Variants in ZNF546 observed in about 807,000 individuals in gnomAD.
ZNF546 encodes the protein CTC-471F3.6.
A neutral mutation model predicts 76.2 loss-of-function variants in ZNF546; 60 were observed. The ratio of observed to expected loss-of-function variants is 0.79; its 90% confidence interval spans 0.64 to 0.98. ZNF546 has a LOEUF of 0.98. Ranked by LOEUF, ZNF546 falls within the 50% of genes least tolerant of loss-of-function variation. ZNF546 has a pLI of 0.00. For synonymous variants in ZNF546, 277 were observed against 328.1 expected (o/e 0.84, Z 1.68); for missense variants, 936 against 1,035.6 (o/e 0.90, Z 1.32).
chr19:39,997,773 G>C (rs1311014301), intron 1 of ZNF546, 88 bp from the exon 2 acceptor site: 1 of 155,098 alleles, frequency 6.4e-6, no homozygotes, highest in Admixed American at 6.3e-5. Context: ...GCGCTGGAGG[G>C]GATATTCTAG....
At chr19:40,008,070 G>A (rs1971626837) in intron 5 of ZNF546, among the ~76,000 whole-genome samples, 2 of 152,078 alleles carry the variant, frequency 1.3e-5, no homozygotes, top group African/African-American at 4.8e-5. Flanking sequence ...TCTCACCACA[G>A]CCCTAAGAAG....
chr19:40,003,676 C>T (rs1971558889), intron 3 of ZNF546, among the ~76,000 whole-genome samples: 1 of 151,912 alleles, frequency 6.6e-6, no homozygotes, highest in African/African-American at 2.4e-5. Context: ...GAATTGCTTC[C>T]AATGTTATGA....
chr19:40,000,272 G>GT (rs1314031274), intron 3 of ZNF546, among the ~76,000 whole-genome samples: 1 of 151,910 alleles, frequency 6.6e-6, no homozygotes, highest in African/African-American at 2.4e-5. Flanking sequence ...TCTTGGTTAG[G>GT]TTTTTTTCAG....
chr19:40,015,672 G>T lies in ZNF546; in HGVS notation c.2402G>T (p.Gly801Val), dbSNP rs1172068661. The change falls in exon 7 of 7, where the codon GGT (glycine) becomes GTT (valine). Residue 801 changes from glycine to valine, a missense_variant. Gly to Val is a moderately radical substitution (Grantham distance 109, BLOSUM62 -3). Transcript: ENST00000347077. ...ELTRHHRIHT[G>V]EKPYQCKECG... Reference sequence around the variant, plus strand: ...ACTCGACATCACAGAATTCATACTGGTGAAAAACCCTATCAATGTAAAGAA... The same window carrying T: ...ACTCGACATCACAGAATTCATACTGTTGAAAAACCCTATCAATGTAAAGAA... The T allele has an allele frequency of 6.2e-7, 1 of 1,614,058 alleles. No homozygotes were observed. The highest frequency in any genetic ancestry group is 1.3e-5 in the African/African-American group (1 of 74,918).
At chr19:40,000,000 G>T (rs1428832569) in intron 3 of ZNF546, among the ~76,000 whole-genome samples, 2 of 152,182 alleles carry the variant, frequency 1.3e-5, no homozygotes, top group Non-Finnish European at 2.9e-5. Context: ...AAGGACACAA[G>T]ACTTTCCAGC....
intron 3 of ZNF546, among the ~76,000 whole-genome samples, chr19:40,001,057 C>T (rs1971522983): frequency 6.6e-6 from 1 of 151,998 alleles, no homozygotes; most frequent in Non-Finnish European, 1.5e-5. Flanking sequence ...GCCTAGATCC[C>T]TCACATGGTC....
In ZNF546 at chr19:40,016,010, C is replaced by G; in HGVS notation, c.*229C>G. The G allele has an allele frequency of 1.8e-6, 1 of 541,638 alleles. No homozygotes were observed. The highest frequency in any genetic ancestry group is 3.3e-6 in the Non-Finnish European group (1 of 303,758). 33.6% of individuals were successfully genotyped at this position (541,638 alleles called of 1,614,324 possible). On this transcript the variant is annotated 3_prime_UTR_variant, in exon 7 of 7. Coordinates refer to ENST00000347077, the MANE Select transcript of ZNF546 (RefSeq NM_178544.5). ...CATCCCAAACCATCAAGGGCCTTTT[C>G]CCCTACAAACTGTTGTTGAACAGTG...
intron 3 of ZNF546, among the ~76,000 whole-genome samples, chr19:40,000,137 A>G (rs1300712154): frequency 6.6e-6 from 1 of 152,190 alleles, no homozygotes; most frequent in Non-Finnish European, 1.5e-5. Context: ...TACACCTTTT[A>G]GGGTTATATA....
In ZNF546 at chr19:40,018,861, G is replaced by A. The variant is rs1239357599; in HGVS notation, c.*3080G>A. 6.6e-6 allele frequency: 1 copy of A among 152,256 alleles called. No homozygotes were observed. The highest frequency in any genetic ancestry group is 1.5e-5 in the Non-Finnish European group (1 of 68,056). The allele number at this position is 152,256 out of a possible 1,614,324, so 9.4% of individuals were successfully genotyped here. ...TAGCCTTCAGGCTATCCTAGCTGGT[G>A]CTAAGTGGAGCAGAGAAAAGCTTTC... is the stretch of plus-strand genomic sequence containing the variant. On this transcript the variant is annotated 3_prime_UTR_variant, in exon 7 of 7. Coordinates refer to ENST00000347077, the MANE Select transcript of ZNF546 (RefSeq NM_178544.5).
rs540685002 is a variant in ZNF546 at position 40,014,891 on chromosome 19, ACCC to A, written c.1622_1624del (p.Thr541del). The A allele has an allele frequency of 3.5e-3, 5,627 of 1,613,876 alleles. 11 individuals carry two copies. The highest frequency in any genetic ancestry group is 4.3e-3 in the Admixed American group (261 of 60,014). ...AGCCTTTCGTCTTCAAGGAGAACTT[ACCC>A]GACATCACAGAATTCATACATGTGA... On this transcript the variant is annotated inframe_deletion, in exon 7 of 7. Coordinates refer to ENST00000347077, the MANE Select transcript of ZNF546 (RefSeq NM_178544.5).
rs372558794 is a variant in ZNF546 at position 40,010,369 on chromosome 19, C to T, written c.394+1804C>T. ...AGTGAGCCGAGATTGTGCCACTGCA[C>T]TCCAGCCTGGGTGACAGACCAAGAT... On this transcript the variant is annotated intron_variant, in intron 6 of 6. Coordinates refer to ENST00000347077, the MANE Select transcript of ZNF546 (RefSeq NM_178544.5). Among the ~76,000 whole-genome samples, 4 of 150,984 alleles carry T rather than the reference C, an allele frequency of 2.6e-5. No homozygotes were observed. The East Asian group carries it at 5.9e-4, about 22-fold the overall frequency.
intron 3 of ZNF546, among the ~76,000 whole-genome samples, chr19:40,000,508 A>C (rs1385515443): frequency 1.3e-5 from 2 of 151,420 alleles, no homozygotes; most frequent in Non-Finnish European, 2.9e-5. Context: ...TTGTAATCCC[A>C]GCTGCTTGGG....
At chr19:40,008,380 C>A (rs1209493842) in intron 5 of ZNF546, 90 bp from the exon 6 acceptor site, 3 of 983,830 alleles carry the variant, frequency 3.0e-6, no homozygotes, top group East Asian at 2.5e-5. Context: ...CAGTTTCTTA[C>A]AAATGTAACC....
Position 40,018,554 on chromosome 19 carries a change from C to T in ZNF546, c.*2773C>T, listed in dbSNP as rs1887475039. On this transcript the variant is annotated 3_prime_UTR_variant, in exon 7 of 7. Coordinates refer to ENST00000347077, the MANE Select transcript of ZNF546 (RefSeq NM_178544.5). ...CATCTTACAATGTGATACCAACACTCCCCAAGAGGTAGAGCTCATGGTCCT... is the reference window on the plus strand; with the variant it reads ...CATCTTACAATGTGATACCAACACTTCCCAAGAGGTAGAGCTCATGGTCCT... 6.6e-6 allele frequency: 1 copy of T among 152,190 alleles called. No homozygotes were observed. Among genetic ancestry groups the T allele is most frequent in the African/African-American group, 2.4e-5 (1 of 41,446 alleles). The allele number at this position is 152,190 out of a possible 1,614,324, so 9.4% of individuals were successfully genotyped here. A position where few individuals can be genotyped will look rare whatever the true frequency, so the allele number is the denominator to read the frequency against.
intron 3 of ZNF546, among the ~76,000 whole-genome samples, chr19:40,000,088 C>G (rs934294371): frequency 7.2e-5 from 11 of 152,130 alleles, no homozygotes; most frequent in Non-Finnish European, 1.3e-4. Flanking sequence ...AGGAAAACAC[C>G]AATGAATCCT....
chr19:40,004,900 A>C (rs1225077112), intron 3 of ZNF546, among the ~76,000 whole-genome samples: 1 of 151,804 alleles, frequency 6.6e-6, no homozygotes, highest in African/African-American at 2.4e-5. Context: ...AACTTATCTA[A>C]CCAGTCAGCT....
In ZNF546 at chr19:40,015,424, GCTTC is replaced by G. The variant is rs1971749661; in HGVS notation, c.2156_2159del (p.Leu719HisfsTer50). The G allele has an allele frequency of 1.2e-6, 2 of 1,614,160 alleles. No homozygotes were observed. Among genetic ancestry groups the G allele is most frequent in the East Asian group, 4.5e-5 (2 of 44,876 alleles). On this transcript the variant is annotated frameshift_variant, in exon 7 of 7. Coordinates refer to ENST00000347077, the MANE Select transcript of ZNF546 (RefSeq NM_178544.5). LOFTEE classifies it high-confidence loss of function. ...TACATCAAAGAATTCACACTGGTGA[GCTTC>G]CATATGAATGTAAGGAATGTGGAAA...
intron 3 of ZNF546, among the ~76,000 whole-genome samples, chr19:39,998,842 G>A (rs887610296): frequency 6.6e-6 from 1 of 151,994 alleles, no homozygotes; most frequent in Non-Finnish European, 1.5e-5. Context: ...GCATGAACTC[G>A]GCTTACTGCA....
Position 40,016,050 on chromosome 19 carries a change from A to G in ZNF546, c.*269A>G, listed in dbSNP as rs1214296374. ...GTTGAACAGTGCTTCTCTAAAATGCAATAATAATGGGCCAGGTGAAGTGGC... is the reference window on the plus strand; with the variant it reads ...GTTGAACAGTGCTTCTCTAAAATGCGATAATAATGGGCCAGGTGAAGTGGC... On this transcript the variant is annotated 3_prime_UTR_variant, in exon 7 of 7. Coordinates refer to ENST00000347077, the MANE Select transcript of ZNF546 (RefSeq NM_178544.5). 7.3e-5 allele frequency: 32 copies of G among 440,080 alleles called. No individual in the cohort carries two copies. Among genetic ancestry groups the G allele is most frequent in the Non-Finnish European group, 2.1e-5 (5 of 241,780 alleles). The allele number at this position is 440,080 out of a possible 1,614,324, so 27.3% of individuals were successfully genotyped here.
Sources: gnomAD v4.1 joint callset for allele counts (sites outside exome capture counted in the v4.1 genomes callset) on GRCh38, gnomAD v4.1.1 for gene constraint, MANE v1.5 for transcripts, NCBI Gene and HGNC (gene_info 2026-07-23, HGNC 2026-07-21) for gene names.